The following BAHD1 variants were observed in gnomAD, a reference collection of about 807,000 sequenced individuals.
The protein encoded by BAHD1 is bromo adjacent homology domain containing 1.
A neutral mutation model predicts 63.1 loss-of-function variants in BAHD1; 20 were observed. That is an observed-to-expected ratio of 0.32 (90% CI 0.22 to 0.46). The LOEUF is 0.46. BAHD1 is among the 20% of genes least tolerant of loss of function. The pLI is 1.00. For synonymous variants in BAHD1, 408 were observed against 426.8 expected (o/e 0.96, Z 0.54); for missense variants, 939 against 1,071.8 (o/e 0.88, Z 1.73).
chr15:40,464,890 AGTAGG>A, intron 5 of BAHD1: 2 of 396,918 alleles, frequency 5.0e-6, no homozygotes. Flanking sequence ...TATTTTCTGT[AGTAGG>A]GGAGGGGAGG....
intron 1 of BAHD1, among the ~76,000 whole-genome samples, chr15:40,457,083 G>C (rs1020755243): frequency 3.3e-5 from 5 of 152,206 alleles, no homozygotes; most frequent in Non-Finnish European, 7.3e-5. Context: ...CTGGTCATAT[G>C]CATTTTCTGT....
In BAHD1 at chr15:40,457,496, C is replaced by T. The variant is rs577014629; in HGVS notation, c.-14-955C>T. Among the ~76,000 whole-genome samples, 62 of 152,318 alleles carry T rather than the reference C, an allele frequency of 4.1e-4. 2 individuals carry two copies. In the South Asian group the frequency reaches 0.013, roughly 31 times the overall value. On this transcript the variant is annotated intron_variant, in intron 1 of 6. Coordinates refer to ENST00000416165, the MANE Select transcript of BAHD1 (RefSeq NM_014952.5). The stretch of plus-strand genomic sequence containing the variant: ...GGGCCCCTCAAAGCCAGGCCTTCAC[C>T]CTTGATAGAGCTTTTCCAGCTAGAC...
chr15:40,461,998 C>G lies in BAHD1; in HGVS notation c.1519C>G (p.Pro507Ala), dbSNP rs750229956. Residue 507 changes from proline to alanine, a missense_variant, in exon 3 of 7, where the codon CCT becomes GCT. Physicochemically the swap from Pro to Ala is conservative, Grantham distance 27 (BLOSUM62 -1). Around this residue, in one of 5 missense-constraint regions of BAHD1, gnomAD observed 797 missense variants for 813.3 expected, o/e 0.98. Coordinates refer to ENST00000416165, the MANE Select transcript of BAHD1 (RefSeq NM_014952.5). Reference sequence around the variant, plus strand: ...ACCCGCCCACCCACTCCTGGGGTGCCCTGTACCCAGTGTGCCACCTGCAGC... The same window carrying G: ...ACCCGCCCACCCACTCCTGGGGTGCGCTGTACCCAGTGTGCCACCTGCAGC... ...ASPAHPLLGC[P>A]VPSVPPAAEP... 6.2e-7 allele frequency: 1 copy of G among 1,613,858 alleles called. No individual in the cohort carries two copies. The highest frequency in any genetic ancestry group is 1.7e-5 in the Admixed American group (1 of 60,020).
upstream of BAHD1, among the ~76,000 whole-genome samples, chr15:40,440,498 G>T (rs1444087642): frequency 6.6e-6 from 1 of 151,024 alleles, no homozygotes; most frequent in African/African-American, 2.4e-5. Context: ...GTTTTCTCCA[G>T]CGCGTGCTGG....
In BAHD1 at chr15:40,462,223, C is replaced by T. The variant is rs768466577; in HGVS notation, c.1744C>T (p.Arg582Cys). 6.8e-6 allele frequency: 11 copies of T among 1,611,326 alleles called. No individual in the cohort carries two copies. The highest frequency in any genetic ancestry group is 1.7e-4 in the Middle Eastern group (1 of 6,058). ...QPRVQRPRPRRRRRRRTNGWV... is the reference protein window; with the variant it reads ...QPRVQRPRPRCRRRRRTNGWV... The stretch of plus-strand genomic sequence containing the variant: ...ACGTGTCCAGCGCCCACGCCCTCGC[C>T]GCCGCCGTCGCCGCCGCACTAATGG... Residue 582 changes from arginine to cysteine, a missense_variant, in exon 3 of 7, where the codon CGC (arginine) becomes TGC (cysteine). Transcript: ENST00000416165.
At chr15:40,440,858 G>C (rs913772652), upstream of BAHD1, among the ~76,000 whole-genome samples, 1 of 152,178 alleles carries the variant, frequency 6.6e-6, no homozygotes, top group Non-Finnish European at 1.5e-5. Flanking sequence ...GCGCAGGGCG[G>C]GGCGGCTGAT....
chr15:40,447,794 A>AT (rs1893585774), intron 1 of BAHD1, among the ~76,000 whole-genome samples: 1 of 152,058 alleles, frequency 6.6e-6, no homozygotes, highest in Non-Finnish European at 1.5e-5. Flanking sequence ...GAGGCAGGGA[A>AT]TTTCACCTGA....
At chr15:40,456,920 AGTCTCT>A (rs1401581104) in intron 1 of BAHD1, among the ~76,000 whole-genome samples, 1 of 152,214 alleles carries the variant, frequency 6.6e-6, no homozygotes, top group Non-Finnish European at 1.5e-5. Context: ...ACAGCTCCGT[AGTCTCT>A]GACCACCGCC....
intron 4 of BAHD1, 119 bp from the exon 5 acceptor site, chr15:40,464,352 T>A (rs1360160655): frequency 5.9e-6 from 5 of 850,878 alleles, no homozygotes; most frequent in Non-Finnish European, 9.5e-6. Context: ...GGGACATGGG[T>A]TGCCGGAGCC....
intron 1 of BAHD1, among the ~76,000 whole-genome samples, chr15:40,444,782 A>G (rs1893490717): frequency 6.6e-6 from 1 of 152,166 alleles, no homozygotes; most frequent in African/African-American, 2.4e-5. Context: ...GAAACGGGAA[A>G]GAGGACTGGT....
chr15:40,459,587 G>A lies in BAHD1; in HGVS notation c.1123G>A (p.Ala375Thr). 6.2e-7 allele frequency: 1 copy of A among 1,614,206 alleles called. No individual in the cohort carries two copies. The highest frequency in any genetic ancestry group is 8.5e-7 in the Non-Finnish European group (1 of 1,180,038). ...NGLCVGPELT[A>T]LGSFYLYCGQ... ...CCTGTGTGTTGGGCCTGAGCTCACTGCACTAGGCAGCTTCTACCTGTACTG... is the reference window on the plus strand; with the variant it reads ...CCTGTGTGTTGGGCCTGAGCTCACTACACTAGGCAGCTTCTACCTGTACTG... The change falls in exon 2 of 7, where the codon GCA becomes ACA. Residue 375 changes from alanine (A) to threonine (T), a missense_variant. This residue lies in a region of BAHD1 where 797 missense variants were observed against 813.3 expected (regional missense o/e 0.98). Transcript: ENST00000416165.
intron 1 of BAHD1, among the ~76,000 whole-genome samples, chr15:40,445,727 C>G (rs1893523449): frequency 6.6e-6 from 1 of 152,230 alleles, no homozygotes; most frequent in South Asian, 2.1e-4. Flanking sequence ...AAAGCAGCAT[C>G]TCTCAATGGG....
At chr15:40,447,169 C>T (rs572863096) in intron 1 of BAHD1, among the ~76,000 whole-genome samples, 1 of 152,304 alleles carries the variant, frequency 6.6e-6, no homozygotes, top group Admixed American at 6.5e-5. Flanking sequence ...AGTCACGTTT[C>T]CACCATAGTC....
chr15:40,445,274 A>C (rs932096131), intron 1 of BAHD1, among the ~76,000 whole-genome samples: 2 of 151,180 alleles, frequency 1.3e-5, no homozygotes, highest in African/African-American at 2.4e-5. Context: ...AAAAAAAAAA[A>C]AACAACCCTT....
At chr15:40,451,145 CAAAAAA>C (rs397827665) in intron 1 of BAHD1, among the ~76,000 whole-genome samples, 44 of 30,620 alleles carry the variant, frequency 1.4e-3, no homozygotes, top group Middle Eastern at 0.036. Context: ...AACTCCATCT[CAAAAAA>C]AAAAAAAAAA....
intron 1 of BAHD1, among the ~76,000 whole-genome samples, chr15:40,449,990 T>G (rs1019153646): frequency 6.6e-5 from 10 of 152,156 alleles, no homozygotes; most frequent in African/African-American, 2.4e-4. Flanking sequence ...TGTCTTGAGC[T>G]CCAAGTGGTG....
At chr15:40,463,470 C>T (rs117944237) in intron 3 of BAHD1, among the ~76,000 whole-genome samples, 1 of 152,346 alleles carries the variant, frequency 6.6e-6, no homozygotes, top group Non-Finnish European at 1.5e-5. Context: ...GATGTGGAAG[C>T]TGAGGCTTAG....
At chr15:40,440,471 G>A (rs1893366523), upstream of BAHD1, among the ~76,000 whole-genome samples, 1 of 151,794 alleles carries the variant, frequency 6.6e-6, no homozygotes, top group African/African-American at 2.4e-5. Context: ...CGAGGATGGG[G>A]TGTTCCTCGG....
intron 1 of BAHD1, among the ~76,000 whole-genome samples, chr15:40,445,081 A>G (rs963106862): frequency 6.6e-6 from 1 of 152,092 alleles, no homozygotes; most frequent in Non-Finnish European, 1.5e-5. Flanking sequence ...TGTGTGTCCT[A>G]GAACACAGTC....
Sources: allele counts gnomAD v4.1 joint callset (sites outside exome capture counted in the v4.1 genomes callset), GRCh38; gene constraint gnomAD v4.1.1; regional missense constraint gnomAD v4.1.1; transcripts MANE v1.5; gene names NCBI Gene and HGNC (gene_info 2026-07-23, HGNC 2026-07-21).